The following CERS6 variants were observed in gnomAD, a reference collection of about 807,000 sequenced individuals.
CERS6 encodes ceramide synthase 6.
Under a neutral mutation model 56.8 loss-of-function variants are expected in CERS6, and 26 were observed. The observed-to-expected ratio is 0.46, with a 90% CI of 0.34 to 0.63. The LOEUF (loss-of-function observed/expected upper bound fraction) is 0.63, where lower values mean the gene tolerates loss of function less well. Among genes scored for constraint, CERS6 ranks in the 30% least tolerant of loss-of-function variants. The probability of loss-of-function intolerance (pLI) is 0.01; values close to 1 mark genes in which losing one functional copy is unlikely to be tolerated. For synonymous variants in CERS6, 164 were observed against 173.3 expected (o/e 0.95, Z 0.42); for missense variants, 415 against 467.5 (o/e 0.89, Z 1.04).
intron 6 of CERS6, among the ~76,000 whole-genome samples, chr2:168,702,226 T>C (rs1686823004): frequency 1.3e-5 from 2 of 152,202 alleles, no homozygotes; most frequent in African/African-American, 4.8e-5. Flanking sequence ...AAAAGAATAT[T>C]GTGTGTGATG....
chr2:168,614,503 T>C (rs1284750396), intron 3 of CERS6, among the ~76,000 whole-genome samples: 1 of 152,202 alleles, frequency 6.6e-6, no homozygotes, highest in African/African-American at 2.4e-5. Context: ...GCCCACTGCC[T>C]GGAAACAAAC....
chr2:168,635,887 A>G (rs2105301446), intron 4 of CERS6, among the ~76,000 whole-genome samples: 1 of 152,270 alleles, frequency 6.6e-6, no homozygotes, highest in East Asian at 1.9e-4. Context: ...ATACTTTGAG[A>G]TGTTCTCTTT....
chr2:168,657,918 A>G (rs1029355093), intron 4 of CERS6, among the ~76,000 whole-genome samples: 1 of 152,216 alleles, frequency 6.6e-6, no homozygotes, highest in African/African-American at 2.4e-5. Flanking sequence ...GGGCTCCTCA[A>G]ATGCCACCGA....
At chr2:168,544,452 A>T (rs1226476194) in intron 1 of CERS6, among the ~76,000 whole-genome samples, 7 of 152,040 alleles carry the variant, frequency 4.6e-5, no homozygotes, top group Non-Finnish European at 1.0e-4. Flanking sequence ...GGCTCTGGAG[A>T]TGTGGACTTC....
intron 1 of CERS6, among the ~76,000 whole-genome samples, chr2:168,506,844 A>G (rs1339577938): frequency 6.6e-6 from 1 of 152,200 alleles, no homozygotes; most frequent in Non-Finnish European, 1.5e-5. Context: ...GCCAGTTTTC[A>G]TATTGATATC....
At chr2:168,604,547 C>T (rs142377923) in intron 3 of CERS6, among the ~76,000 whole-genome samples, 1 of 152,272 alleles carries the variant, frequency 6.6e-6, no homozygotes, top group Non-Finnish European at 1.5e-5. Flanking sequence ...ATGTAATTCT[C>T]AATGCTGGAA....
chr2:168,691,731 C>T (rs1455356193), intron 5 of CERS6, among the ~76,000 whole-genome samples: 4 of 152,104 alleles, frequency 2.6e-5, no homozygotes, highest in East Asian at 3.8e-4. Context: ...TGTTGGGATC[C>T]CCAGATCCGT....
chr2:168,690,270 G>T (rs1333102499), intron 4 of CERS6, among the ~76,000 whole-genome samples: 1 of 152,108 alleles, frequency 6.6e-6, no homozygotes, highest in African/African-American at 2.4e-5. Context: ...GGATGCAAAA[G>T]AATTATAACA....
chr2:168,672,526 G>A (rs1256325539), intron 4 of CERS6, among the ~76,000 whole-genome samples: 1 of 152,224 alleles, frequency 6.6e-6, no homozygotes, highest in Non-Finnish European at 1.5e-5. Flanking sequence ...ATTCTACTTA[G>A]TGTGTTCTAC....
chr2:168,633,240 G>A (rs932545309), intron 4 of CERS6, among the ~76,000 whole-genome samples: 1 of 151,518 alleles, frequency 6.6e-6, no homozygotes, highest in African/African-American at 2.4e-5. Flanking sequence ...AATTTGTGTG[G>A]GAATTTCTTT....
intron 3 of CERS6, among the ~76,000 whole-genome samples, chr2:168,596,706 A>G (rs1479726249): frequency 4.6e-5 from 7 of 151,870 alleles, no homozygotes; most frequent in African/African-American, 7.3e-5. Context: ...GGTGCGTGCC[A>G]CCATACCCGG....
intron 8 of CERS6, among the ~76,000 whole-genome samples, chr2:168,738,307 C>A (rs1166929023): frequency 6.6e-6 from 1 of 152,148 alleles, no homozygotes; most frequent in East Asian, 1.9e-4. Flanking sequence ...CTCTGCAATT[C>A]AGTGTTGGTG....
At chr2:168,667,732 C>T (rs953175621) in intron 4 of CERS6, among the ~76,000 whole-genome samples, 5 of 152,026 alleles carry the variant, frequency 3.3e-5, no homozygotes, top group Admixed American at 3.3e-4. Flanking sequence ...TGTGAGCCTC[C>T]GTTAATTAAG....
chr2:168,752,380 T>C (rs1212278548), intron 8 of CERS6, among the ~76,000 whole-genome samples: 2 of 151,978 alleles, frequency 1.3e-5, no homozygotes, highest in Non-Finnish European at 2.9e-5. Flanking sequence ...CACCAAGTTA[T>C]ATATAAAGTC....
At chr2:168,671,655 A>T (rs958127780) in intron 4 of CERS6, among the ~76,000 whole-genome samples, 2 of 152,214 alleles carry the variant, frequency 1.3e-5, no homozygotes, top group Non-Finnish European at 2.9e-5. Flanking sequence ...GCTACATATA[A>T]TACAATCCTA....
In CERS6 at chr2:168,667,175, A is replaced by G. The variant is rs755716318; in HGVS notation, c.466-23859A>G. Among the ~76,000 whole-genome samples, 35 of 152,212 alleles carry G rather than the reference A, an allele frequency of 2.3e-4. 1 individual carries two copies. Among genetic ancestry groups the G allele is most frequent in the Admixed American group, 2.6e-4 (4 of 15,288 alleles). On this transcript the variant is annotated intron_variant, in intron 4 of 9. Transcript: ENST00000305747. Reference sequence around the variant, plus strand: ...TTTCGGATTGGGATTTTCTGTGTTTAACAGGTGGATGTTCCATGCTGTCCT... The same window carrying G: ...TTTCGGATTGGGATTTTCTGTGTTTGACAGGTGGATGTTCCATGCTGTCCT...
chr2:168,528,441 T>C (rs563728227), intron 1 of CERS6, among the ~76,000 whole-genome samples: 11 of 152,350 alleles, frequency 7.2e-5, no homozygotes. Flanking sequence ...TCTCAGGGTT[T>C]CCTTTGTGTC....
chr2:168,700,967 G>A (rs1204132525), intron 6 of CERS6, among the ~76,000 whole-genome samples: 1 of 152,156 alleles, frequency 6.6e-6, no homozygotes. Context: ...GATTGGGTGG[G>A]GCCATATGAC....
intron 1 of CERS6, among the ~76,000 whole-genome samples, chr2:168,494,969 AC>A (rs1403230539): frequency 6.6e-6 from 1 of 152,170 alleles, no homozygotes; most frequent in Non-Finnish European, 1.5e-5. Context: ...AACCTTGAAC[AC>A]ACATTCTTTT....
Sources: allele counts gnomAD v4.1 joint callset (sites outside exome capture counted in the v4.1 genomes callset), GRCh38; gene constraint gnomAD v4.1.1; transcripts MANE v1.5; gene names NCBI Gene and HGNC (gene_info 2026-07-23, HGNC 2026-07-21).